RASGRP4: variants seen among roughly 807,000 people sequenced by gnomAD.
RASGRP4 encodes the protein RAS guanyl releasing protein 4.
Under a neutral mutation model 84.4 loss-of-function variants are expected in RASGRP4, and 52 were observed. The ratio of observed to expected loss-of-function variants is 0.62; its 90% CI spans 0.49 to 0.78. The LOEUF (loss-of-function observed/expected upper bound fraction) is 0.78, where lower values mean the gene tolerates loss of function less well. Among genes scored for constraint, RASGRP4 ranks in the 30% least tolerant of loss-of-function variants. The pLI is 0.00. For synonymous variants in RASGRP4, 356 were observed against 359.1 expected, an observed-to-expected ratio of 0.99 and a Z score of 0.10; for missense variants, 760 against 886.9, an observed-to-expected ratio of 0.86 and a Z score of 1.82.
In RASGRP4 at chr19:38,410,065, G is replaced by T; in HGVS notation, c.1997C>A (p.Thr666Asn). The T allele has an allele frequency of 6.2e-7, 1 of 1,612,444 alleles. No individual in the cohort carries two copies. The highest frequency in any genetic ancestry group is 8.5e-7 in the Non-Finnish European group (1 of 1,179,156). The change falls in exon 17 of 17, where the codon ACT becomes AAT. Residue 666 changes from threonine (T) to asparagine (N), a missense_variant. Transcript: ENST00000615439. ...CTAGGAATCCAGCTTGGAGGATGCA[G>T]TTGATGGTGGGTCCATCACCGGGCA... ...VPCPVMDPPS[T>N]ASSKLDS
In RASGRP4 at chr19:38,418,986, T is replaced by A. The variant is rs148145712; in HGVS notation, c.664-422A>T. 1.3e-5 allele frequency among the ~76,000 whole-genome samples: 2 copies of A among 152,232 alleles called. No individual in the cohort carries two copies. The highest frequency in any genetic ancestry group is 4.8e-5 in the African/African-American group (2 of 41,528). The stretch of plus-strand genomic sequence containing the variant: ...TAAGCAAAGGGAAGGCTGGGGAAGA[T>A]GAATTGAAATCAACCTCTATCTGTT... On this transcript the variant is annotated intron_variant, in intron 6 of 16. Coordinates refer to ENST00000615439, the MANE Select transcript of RASGRP4 (RefSeq NM_170604.3). The surrounding 1 kb of genome is among the most constrained non-coding windows in gnomAD (Gnocchi z 4.6).
At chr19:38,419,671 C>T (rs544668777) in intron 6 of RASGRP4, among the ~76,000 whole-genome samples, 189 bp downstream of exon 6, 7 of 152,298 alleles carry the variant, frequency 4.6e-5, no homozygotes, top group South Asian at 4.1e-4. Flanking sequence ...TGACCTCAGG[C>T]GATCTGCCTG....
chr19:38,420,392 G>C, intron 4 of RASGRP4, 130 bp from the exon 5 acceptor site: 1 of 1,055,996 alleles, frequency 9.5e-7, no homozygotes, highest in South Asian at 1.7e-5. Flanking sequence ...GTCCCTGGAG[G>C]GTTGGGGTTT....
At position 38,421,121 on chromosome 19, in the gene RASGRP4, G is replaced by A. The variant is rs755444407; in HGVS notation, c.288C>T (p.Ala96=). 2.9e-5 allele frequency: 47 copies of A among 1,613,668 alleles called. No individual in the cohort carries two copies. Among genetic ancestry groups the A allele is most frequent in the South Asian group, 1.3e-4 (12 of 91,078 alleles). ...AGGTCAGCAGGCGGGCAGCCAGGTC[G>A]GCGGACGGCAGCACCCAGCTGTGCA... The part of the protein sequence containing the change: ...LAMHSWVLPS[A]DLAARLLTSY... Residue 96 remains alanine, a synonymous_variant, in exon 3 of 17, where the codon GCC becomes GCT. Transcript: ENST00000615439.
Position 38,410,977 on chromosome 19 carries a change from T to C in RASGRP4, c.1874A>G (p.Tyr625Cys). The change falls in exon 16 of 17, where the codon TAC becomes TGC. Residue 625 changes from tyrosine (Y) to cysteine (C), a missense_variant. Coordinates refer to ENST00000615439, the MANE Select transcript of RASGRP4 (RefSeq NM_170604.3). Reference sequence around the variant, plus strand: ...AGTCTCAGGCTCCAGGGATAGCGTGTAGGAGTGATTTTCCTCGGAGCCTGT... The same window carrying C: ...AGTCTCAGGCTCCAGGGATAGCGTGCAGGAGTGATTTTCCTCGGAGCCTGT... Reference protein sequence around the residue: ...ASCGSEENHSYTLSLEPETGC... With the variant: ...ASCGSEENHSCTLSLEPETGC... 2 of 1,602,388 alleles carry C rather than the reference T, an allele frequency of 1.2e-6. No homozygotes were observed. Among genetic ancestry groups the C allele is most frequent in the Non-Finnish European group, 1.7e-6 (2 of 1,174,560 alleles).
At chr19:38,419,296 T>C (rs546526954) in intron 6 of RASGRP4, among the ~76,000 whole-genome samples, 1 of 152,326 alleles carries the variant, frequency 6.6e-6, no homozygotes, top group Non-Finnish European at 1.5e-5. Context: ...GCAGGAACTG[T>C]GCATATCCCC....
Position 38,422,096 on chromosome 19 carries a change from C to T in RASGRP4, c.81G>A (p.Val27=), listed in dbSNP as rs1363772662. ...KIGGRGRPRQ[V]RRHKTCPSPR... is the part of the protein sequence containing the mutation. ...GGCTGGGGCATGTCTTGTGGCGGCG[C>T]ACTTGGCGGGGCCGGCCTCGCCCTC... The change falls in exon 2 of 17, where the codon GTG becomes GTA. Residue 27 remains valine (V), a synonymous_variant. Transcript: ENST00000615439. The T allele has an allele frequency of 6.2e-7, 1 of 1,613,364 alleles. No homozygotes were observed. Among genetic ancestry groups the T allele is most frequent in the Non-Finnish European group, 8.5e-7 (1 of 1,179,756 alleles).
At chr19:38,410,158 A>AGAC in intron 16 of RASGRP4, 62 bp from the exon 17 acceptor site, 1 of 1,373,322 alleles carries the variant, frequency 7.3e-7, no homozygotes, top group Non-Finnish European at 1.0e-6. Context: ...GATGTCTAGG[A>AGAC]GACGCTTCAC....
At chr19:38,410,230 C>T (rs1043659580) in intron 16 of RASGRP4, 134 bp from the exon 17 acceptor site, 106 of 626,012 alleles carry the variant, frequency 1.7e-4, no homozygotes, top group Non-Finnish European at 2.5e-4. Flanking sequence ...CTGTGGAATC[C>T]TTTTTGTAAC....
chr19:38,425,813 A>T (rs1661794627), intron 1 of RASGRP4, among the ~76,000 whole-genome samples: 2 of 151,758 alleles, frequency 1.3e-5, no homozygotes. Context: ...CAGGCCAGGG[A>T]TGGAGGTGGG....
At chr19:38,422,373 G>C (rs903560676) in intron 1 of RASGRP4, among the ~76,000 whole-genome samples, 1 of 152,170 alleles carries the variant, frequency 6.6e-6, no homozygotes, top group Non-Finnish European at 1.5e-5. Context: ...CAAACTCCCA[G>C]GGATATTCCT....
chr19:38,422,229 G>A, intron 1 of RASGRP4, 76 bp from the exon 2 acceptor site: 1 of 1,373,180 alleles, frequency 7.3e-7, no homozygotes, highest in South Asian at 1.4e-5. Context: ...TGACTCTAAT[G>A]CCCCAAGGCA....
In RASGRP4 at chr19:38,420,024, A is replaced by G; in HGVS notation, c.510-11T>C. The G allele has an allele frequency of 6.2e-7, 1 of 1,613,284 alleles. No individual in the cohort carries two copies. Among genetic ancestry groups the G allele is most frequent in the Non-Finnish European group, 8.5e-7 (1 of 1,179,324 alleles). ...CCACCAGGGCTCAGGCTGGGGGCCAAGAGGGGCAGGGTATTGGAGTGGCTC... is the reference window on the plus strand; with the variant it reads ...CCACCAGGGCTCAGGCTGGGGGCCAGGAGGGGCAGGGTATTGGAGTGGCTC... On this transcript the variant is annotated splice_polypyrimidine_tract_variant and intron_variant, in intron 5 of 16. Transcript: ENST00000615439.
Position 38,412,932 on chromosome 19 carries a change from C to G in RASGRP4, c.1534G>C (p.Gly512Arg). 2 of 1,613,940 alleles carry G rather than the reference C, an allele frequency of 1.2e-6. No individual in the cohort carries two copies. Among genetic ancestry groups the G allele is most frequent in the Non-Finnish European group, 1.7e-6 (2 of 1,179,824 alleles). The stretch of plus-strand genomic sequence containing the variant: ...GATCCAGGAGTCACAACCACTTACC[C>G]CTGGCGTGGGGGTGGGTGAAGCCCA... The part of the protein sequence containing the change: ...CHGLHPPPRQ[G>R]RGSFSREELT... Residue 512 changes from glycine to arginine, a missense_variant and splice_region_variant, in exon 12 of 17, where the codon GGG becomes CGG. Physicochemically the swap from Gly to Arg is moderately radical, Grantham distance 125 (BLOSUM62 -2). Transcript: ENST00000615439. The surrounding 1 kb of genome is among the most constrained non-coding windows in gnomAD (Gnocchi z 4.6).
intron 1 of RASGRP4, among the ~76,000 whole-genome samples, chr19:38,423,634 C>T (rs1164068583): frequency 2.6e-5 from 4 of 151,666 alleles, no homozygotes; most frequent in South Asian, 2.1e-4. Flanking sequence ...GTCAGGAGTT[C>T]GAGACCAGCC....
intron 6 of RASGRP4, among the ~76,000 whole-genome samples, chr19:38,419,262 T>C (rs564109201): frequency 6.6e-6 from 1 of 152,354 alleles, no homozygotes; most frequent in East Asian, 1.9e-4. Context: ...GCATTTACCC[T>C]GGACCAGGCA....
At position 38,422,141 on chromosome 19, in the gene RASGRP4, C is replaced by T. The variant is rs1971785714; in HGVS notation, c.36G>A (p.Gln12=). 2 of 1,609,740 alleles carry T rather than the reference C, an allele frequency of 1.2e-6. No homozygotes were observed. The highest frequency in any genetic ancestry group is 2.7e-5 in the African/African-American group (2 of 75,008). ...NRKDSKRKSH[Q]ECTGKIGGRG... ...GCCCTCCTATTTTTCCGGTGCATTC[C>T]TGGTGGGACTTCCTGTGGGCACAGC... Residue 12 remains glutamine (Q), a synonymous_variant, in exon 2 of 17, where the codon CAG becomes CAA. Coordinates refer to ENST00000615439, the MANE Select transcript of RASGRP4 (RefSeq NM_170604.3).
chr19:38,419,986 TG>T lies in RASGRP4; in HGVS notation c.536del (p.Pro179HisfsTer4). The T allele has an allele frequency of 1.2e-6, 2 of 1,611,560 alleles. No homozygotes were observed. Among genetic ancestry groups the T allele is most frequent in the East Asian group, 2.2e-5 (1 of 44,762 alleles). On this transcript the variant is annotated frameshift_variant, in exon 6 of 17. Coordinates refer to ENST00000615439, the MANE Select transcript of RASGRP4 (RefSeq NM_170604.3). LOFTEE classifies it high-confidence loss of function. ...DLLSPGGPGPPLPMSSPGLGK... is the reference protein window; with the variant it reads ...DLLSPGGPGPXLPMSSPGLGK... ...CCAGGCCTGGGCTGCTCATTGGGAG[TG>T]GGGGGCCAGGGCCACCAGGGCTCAG...
Position 38,418,345 on chromosome 19 carries a change from G to A in RASGRP4, c.837+46C>T, listed in dbSNP as rs1384537946. 6.4e-7 allele frequency: 1 copy of A among 1,565,168 alleles called. No individual in the cohort carries two copies. Among genetic ancestry groups the A allele is most frequent in the Non-Finnish European group, 8.7e-7 (1 of 1,153,252 alleles). The stretch of plus-strand genomic sequence containing the variant: ...GAGGGTCTGGAAGGGGAAGGACCAG[G>A]TGGCTGCGTGCAGTGGAGTTCGCAG... On this transcript the variant is annotated intron_variant, in intron 7 of 16. Transcript: ENST00000615439. The surrounding 1 kb of genome is among the most constrained non-coding windows in gnomAD (Gnocchi z 4.6).
Sources: allele counts gnomAD v4.1 joint callset (sites outside exome capture counted in the v4.1 genomes callset), GRCh38; gene constraint gnomAD v4.1.1; non-coding constraint Gnocchi (gnomAD v3.1); transcripts MANE v1.5; gene names NCBI Gene and HGNC (gene_info 2026-07-23, HGNC 2026-07-21).